TRIM24: variants seen among roughly 807,000 people sequenced by gnomAD.
TRIM24 encodes the protein tripartite motif containing 24, also known as transcription intermediary factor 1-alpha.
Under a neutral mutation model 123.9 loss-of-function variants are expected in TRIM24, and 29 were observed. That is an observed-to-expected ratio of 0.23 (90% CI 0.17 to 0.32). The LOEUF is 0.32. TRIM24 is among the 10% of genes least tolerant of loss of function. The probability of loss-of-function intolerance (pLI) is 1.00; values close to 1 mark genes in which losing one functional copy is unlikely to be tolerated. For synonymous variants in TRIM24, 456 were observed against 461.1 expected (o/e 0.99, Z 0.14); for missense variants, 932 against 1,295.3 (o/e 0.72, Z 4.31).
intron 5 of TRIM24, 87 bp from the exon 6 acceptor site, chr7:138,529,029 A>G: frequency 1.5e-6 from 1 of 674,258 alleles, no homozygotes; most frequent in Non-Finnish European, 2.4e-6. Context: ...GGCTGAAAAC[A>G]TTTTGGTCTA....
chr7:138,580,830 G>A (rs1311206382), intron 16 of TRIM24, 136 bp downstream of exon 16: 6 of 789,856 alleles, frequency 7.6e-6, no homozygotes, highest in South Asian at 7.8e-5. Context: ...TGTTTACAAA[G>A]GTACATGAAT....
At chr7:138,490,489 G>C (rs911729235) in intron 1 of TRIM24, 1 of 171,540 alleles carries the variant, frequency 5.8e-6, no homozygotes, top group African/African-American at 2.4e-5. Context: ...CATTAAGCAA[G>C]AACTCCTCCC....
intron 1 of TRIM24, among the ~76,000 whole-genome samples, chr7:138,500,618 A>G (rs1446220683): frequency 2.0e-5 from 3 of 151,628 alleles, no homozygotes; most frequent in Non-Finnish European, 4.4e-5. Flanking sequence ...TTATGCCTGT[A>G]ATCACAGCAC....
At chr7:138,480,843 G>A (rs1171773039) in intron 1 of TRIM24, among the ~76,000 whole-genome samples, 1 of 152,016 alleles carries the variant, frequency 6.6e-6, no homozygotes, top group East Asian at 1.9e-4. Context: ...ATTGGGATCT[G>A]AGAAGCTTTT....
intron 6 of TRIM24, among the ~76,000 whole-genome samples, chr7:138,535,039 C>T (rs1011567220): frequency 6.6e-6 from 1 of 152,028 alleles, no homozygotes; most frequent in Non-Finnish European, 1.5e-5. Context: ...GATTGCCACC[C>T]CTGCCTTTTT....
intron 1 of TRIM24, among the ~76,000 whole-genome samples, chr7:138,491,963 ATCT>A (rs1795796124): frequency 6.8e-6 from 1 of 146,478 alleles, no homozygotes; most frequent in Admixed American, 6.9e-5. Context: ...TTTTTTTTTG[ATCT>A]TCTTTGGAGA....
At chr7:138,523,657 A>G (rs1188303758) in intron 4 of TRIM24, among the ~76,000 whole-genome samples, 2 of 148,314 alleles carry the variant, frequency 1.3e-5, no homozygotes, top group Non-Finnish European at 3.0e-5. Flanking sequence ...AGGCTGAGGC[A>G]GGAGAATGGC....
chr7:138,519,794 C>T lies in TRIM24; in HGVS notation c.764+473C>T, dbSNP rs150840984. 4.3e-3 allele frequency among the ~76,000 whole-genome samples: 653 copies of T among 152,144 alleles called. 6 individuals carry two copies. The highest frequency in any genetic ancestry group is 0.015 in the African/African-American group (639 of 41,524). On this transcript the variant is annotated intron_variant, in intron 4 of 18. Coordinates refer to ENST00000343526, the MANE Select transcript of TRIM24 (RefSeq NM_015905.3). ...AACGGAAGCTGTTCTAGCCCTGGGT[C>T]TGTATACTTCATGTCAACATTTGAG...
chr7:138,526,472 C>T (rs1180138729), intron 5 of TRIM24, among the ~76,000 whole-genome samples: 2 of 151,816 alleles, frequency 1.3e-5, no homozygotes, highest in African/African-American at 4.8e-5. Context: ...GAGACGGAGT[C>T]TCACTCTGTC....
intron 9 of TRIM24, among the ~76,000 whole-genome samples, chr7:138,555,862 G>A (rs954856110): frequency 2.0e-5 from 3 of 152,054 alleles, no homozygotes; most frequent in Non-Finnish European, 4.4e-5. Flanking sequence ...GTTTAGGAGG[G>A]GGGCGGAAAT....
chr7:138,464,482 C>A (rs1795088330), intron 1 of TRIM24, among the ~76,000 whole-genome samples: 1 of 151,702 alleles, frequency 6.6e-6, no homozygotes, highest in African/African-American at 2.4e-5. Flanking sequence ...ATGGGGAGTA[C>A]AAGCAGGGGG....
intron 10 of TRIM24, among the ~76,000 whole-genome samples, chr7:138,569,680 A>C (rs555550150): frequency 6.6e-6 from 1 of 152,258 alleles, no homozygotes; most frequent in Admixed American, 6.5e-5. Context: ...CCAACTTCAT[A>C]TGTTTCTGTA....
chr7:138,500,604 T>C (rs1327199160), intron 1 of TRIM24, among the ~76,000 whole-genome samples: 2 of 148,262 alleles, frequency 1.3e-5, no homozygotes, highest in African/African-American at 2.5e-5. Context: ...CCAGGCACCA[T>C]GGCTTATGCC....
intron 9 of TRIM24, among the ~76,000 whole-genome samples, chr7:138,564,748 G>A (rs1043103899): frequency 5.3e-5 from 8 of 152,126 alleles, no homozygotes; most frequent in African/African-American, 1.7e-4. Context: ...CTGGCCATCC[G>A]ACACTAAAAG....
chr7:138,583,769 T>C, intron 17 of TRIM24, 81 bp from the exon 18 acceptor site: 1 of 1,027,278 alleles, frequency 9.7e-7, no homozygotes, highest in Non-Finnish European at 1.4e-6. Context: ...CATTCTGAAT[T>C]TTAGAGCACA....
intron 1 of TRIM24, among the ~76,000 whole-genome samples, chr7:138,485,665 A>G (rs1464806809): frequency 2.0e-5 from 3 of 152,196 alleles, no homozygotes; most frequent in East Asian, 3.9e-4. Context: ...TACAAAGGAC[A>G]TGAACTCATC....
At chr7:138,490,609 C>T (rs1009725579) in intron 1 of TRIM24, 1 of 277,532 alleles carries the variant, frequency 3.6e-6, no homozygotes, top group African/African-American at 2.3e-5. Flanking sequence ...TCATATCCAA[C>T]AGCTCATTCA....
chr7:138,575,111 C>T lies in TRIM24; in HGVS notation c.2015-1262C>T, dbSNP rs558157977. On this transcript the variant is annotated intron_variant, in intron 12 of 18. Coordinates refer to ENST00000343526, the MANE Select transcript of TRIM24 (RefSeq NM_015905.3). Reference sequence around the variant, plus strand: ...CTCATGGACTACTGTTTAGTGAAAACAAGTATACAGAACCATATAAAAGAT... The same window carrying T: ...CTCATGGACTACTGTTTAGTGAAAATAAGTATACAGAACCATATAAAAGAT... Among the ~76,000 whole-genome samples, 4 of 151,946 alleles carry T rather than the reference C, an allele frequency of 2.6e-5. No individual in the cohort carries two copies. The East Asian group carries it at 7.7e-4, about 29-fold the overall frequency.
intron 6 of TRIM24, among the ~76,000 whole-genome samples, chr7:138,534,701 G>A (rs528939175): frequency 2.6e-5 from 4 of 152,346 alleles, no homozygotes; most frequent in Admixed American, 1.3e-4. Flanking sequence ...TTGATTTGGG[G>A]TGGAGAGTTC....
Sources: gnomAD v4.1 joint callset for allele counts (sites outside exome capture counted in the v4.1 genomes callset) on GRCh38, gnomAD v4.1.1 for gene constraint, MANE v1.5 for transcripts, NCBI Gene and HGNC (gene_info 2026-07-23, HGNC 2026-07-21) for gene names.